Variants in MED12L observed in about 807,000 individuals in gnomAD.
MED12L encodes the protein mediator of RNA polymerase II transcription subunit 12-like protein.
Under a neutral mutation model 281.3 loss-of-function variants are expected in MED12L, and 60 were observed. The observed-to-expected ratio is 0.21, with a 90% confidence interval of 0.17 to 0.26. The LOEUF (loss-of-function observed/expected upper bound fraction) is 0.26. MED12L is among the 10% of genes least tolerant of loss of function. The pLI is 1.00. For synonymous variants in MED12L, 974 were observed against 987.2 expected, an observed-to-expected ratio of 0.99 and a Z score of 0.25; for missense variants, 2,146 against 2,680.9, an observed-to-expected ratio of 0.80 and a Z score of 4.41.
chr3:151,153,108 G>T (rs1222256824), intron 5 of MED12L, among the ~76,000 whole-genome samples: 1 of 152,182 alleles, frequency 6.6e-6, no homozygotes, highest in Non-Finnish European at 1.5e-5. Flanking sequence ...AGCACTCAGT[G>T]TACTACTGTT....
intron 2 of MED12L, among the ~76,000 whole-genome samples, chr3:151,101,284 A>C (rs1292791782): frequency 6.6e-6 from 1 of 152,172 alleles, no homozygotes; most frequent in East Asian, 1.9e-4. Context: ...AATAGCCACT[A>C]TTTATTGTGT....
At chr3:151,372,490 C>T (rs1204176002) in intron 26 of MED12L, 77 bp from the exon 27 acceptor site, 2 of 1,027,274 alleles carry the variant, frequency 1.9e-6, no homozygotes, top group Admixed American at 3.4e-5. Context: ...TCCCTGAATG[C>T]TATCCTCATT....
chr3:151,180,822 G>A (rs1722614483), intron 11 of MED12L, among the ~76,000 whole-genome samples: 1 of 152,120 alleles, frequency 6.6e-6, no homozygotes, highest in Non-Finnish European at 1.5e-5. Flanking sequence ...TGGACATTTT[G>A]TAAATTTAAT....
intron 39 of MED12L, among the ~76,000 whole-genome samples, chr3:151,396,110 A>G (rs1032894496): frequency 2.2e-4 from 34 of 152,230 alleles, no homozygotes; most frequent in African/African-American, 8.2e-4. Flanking sequence ...CTGCTTGCAC[A>G]TAAATGATGA....
At position 151,434,427 on chromosome 3, in the gene MED12L, C is replaced by CT. The variant is rs1719864811; in HGVS notation, c.*1624dup. 1 of 152,206 alleles carries CT rather than the reference C, an allele frequency of 6.6e-6. No homozygotes were observed. Among genetic ancestry groups the CT allele is most frequent in the Admixed American group, 6.5e-5 (1 of 15,284 alleles). The allele number at this position is 152,206 out of a possible 1,614,324, so 9.4% of individuals were successfully genotyped here. A position where few individuals can be genotyped will look rare whatever the true frequency, so the allele number is the denominator to read the frequency against. ...CACTGTGAAAATATTTCACTCCAGC[C>CT]TGCCCATTTTGTGTTTACTCTGGGC... is the stretch of plus-strand genomic sequence containing the variant. On this transcript the variant is annotated 3_prime_UTR_variant, in exon 45 of 45. Coordinates refer to ENST00000687756, the MANE Select transcript of MED12L (RefSeq NM_001393769.1).
At chr3:151,124,248 CGAAG>C (rs1714173201) in intron 4 of MED12L, among the ~76,000 whole-genome samples, 1 of 152,176 alleles carries the variant, frequency 6.6e-6, no homozygotes, top group Non-Finnish European at 1.5e-5. Context: ...CTTGCTCTAG[CGAAG>C]TAGTGGTTTC....
At chr3:151,418,601 G>A (rs1330017570) in intron 43 of MED12L, among the ~76,000 whole-genome samples, 1 of 152,162 alleles carries the variant, frequency 6.6e-6, no homozygotes, top group Non-Finnish European at 1.5e-5. Flanking sequence ...AGGTGCCATT[G>A]TGTCCTTTTC....
At chr3:151,407,258 C>G (rs1716426929) in intron 39 of MED12L, among the ~76,000 whole-genome samples, 1 of 152,118 alleles carries the variant, frequency 6.6e-6, no homozygotes, top group South Asian at 2.1e-4. Context: ...AAAAGAAGAG[C>G]GAAGAGTTAG....
At chr3:151,349,324 G>A (rs1477227254) in intron 16 of MED12L, among the ~76,000 whole-genome samples, 1 of 152,176 alleles carries the variant, frequency 6.6e-6, no homozygotes, top group Admixed American at 6.5e-5. Context: ...GGGAAGAGTG[G>A]TGATGTCAGA....
At chr3:151,371,396 CT>C (rs1387379025) in intron 26 of MED12L, among the ~76,000 whole-genome samples, 3 of 152,184 alleles carry the variant, frequency 2.0e-5, no homozygotes, top group African/African-American at 7.2e-5. Flanking sequence ...CTTTCAGCTC[CT>C]GAAGTGATCT....
At chr3:151,231,622 G>C (rs920709017) in intron 16 of MED12L, among the ~76,000 whole-genome samples, 5 of 152,156 alleles carry the variant, frequency 3.3e-5, no homozygotes, top group Non-Finnish European at 7.3e-5. Flanking sequence ...AAACATGATG[G>C]GCTGGAAGGG....
chr3:151,370,649 A>G (rs1230229856), intron 26 of MED12L, among the ~76,000 whole-genome samples: 5 of 152,190 alleles, frequency 3.3e-5, no homozygotes, highest in Non-Finnish European at 5.9e-5. Context: ...CTGTGATCAT[A>G]TTTGAAGGGA....
At chr3:151,234,604 G>A (rs1327797412) in intron 16 of MED12L, among the ~76,000 whole-genome samples, 4 of 152,152 alleles carry the variant, frequency 2.6e-5, no homozygotes. Flanking sequence ...ATTTTACACA[G>A]GAAGAAAGAT....
intron 5 of MED12L, among the ~76,000 whole-genome samples, chr3:151,154,447 GT>G (rs1465678136): frequency 6.6e-6 from 1 of 152,092 alleles, no homozygotes; most frequent in African/African-American, 2.4e-5. Flanking sequence ...CTTACAGATG[GT>G]TTTTCTTTTC....
rs142575281 is a variant in MED12L, at chr3:151,100,495, G to A, written c.99+13470G>A. Among the ~76,000 whole-genome samples the A allele has an allele frequency of 5.9e-3, 906 of 152,308 alleles. 16 individuals carry two copies. The highest frequency in any genetic ancestry group is 0.056 in the South Asian group (270 of 4,822). On this transcript the variant is annotated intron_variant, in intron 2 of 44. Transcript: ENST00000687756. ...GTTGGAATTTTTTGCTAAGATGCTC[G>A]TTTACTTAAAGGTATGGAGGATCTA...
In MED12L at chr3:151,148,623, T is replaced by C. The variant is rs186163987; in HGVS notation, c.557-7538T>C. Among the ~76,000 whole-genome samples, 9 of 152,334 alleles carry C rather than the reference T, an allele frequency of 5.9e-5. 1 individual carries two copies. The highest frequency in any genetic ancestry group is 4.6e-4 in the Admixed American group (7 of 15,292). On this transcript the variant is annotated intron_variant, in intron 5 of 44. Transcript: ENST00000687756. ...TCTCCATTGAGGAGTCCATCACCTC[T>C]GACTTAAAGTGCTGTGTCAGGTGGA...
At chr3:151,314,943 A>G (rs867357230) in intron 16 of MED12L, among the ~76,000 whole-genome samples, 1 of 152,196 alleles carries the variant, frequency 6.6e-6, no homozygotes, top group Non-Finnish European at 1.5e-5. Flanking sequence ...TTTTGCTGTG[A>G]GTCCTGGGCT....
At chr3:151,402,327 G>C (rs983035064) in intron 39 of MED12L, among the ~76,000 whole-genome samples, 2 of 152,144 alleles carry the variant, frequency 1.3e-5, no homozygotes, top group East Asian at 3.8e-4. Context: ...TTTTCCCCAG[G>C]TATTCAGTTG....
chr3:151,203,027 C>A (rs931871042), intron 16 of MED12L: 1 of 151,922 alleles, frequency 6.6e-6, no homozygotes, highest in Admixed American at 6.6e-5. Context: ...TACTTATAAG[C>A]CTTAAATACT....
Sources: gnomAD v4.1 joint callset for allele counts (sites outside exome capture counted in the v4.1 genomes callset) on GRCh38, gnomAD v4.1.1 for gene constraint, MANE v1.5 for transcripts, NCBI Gene and HGNC (gene_info 2026-07-23, HGNC 2026-07-21) for gene names.